Variants in MMS19 observed in about 807,000 individuals in gnomAD.
The protein encoded by MMS19 is MMS19 cytosolic iron-sulfur assembly component.
MMS19 carries 77 observed loss-of-function variants against 129.8 expected under a neutral mutation model. That is an observed-to-expected ratio of 0.59 (90% confidence interval 0.49 to 0.72). The LOEUF (loss-of-function observed/expected upper bound fraction) is 0.72. MMS19 is among the 30% of genes least tolerant of loss of function. The pLI is 0.00. For missense variants in MMS19, 1,168 were observed against 1,266.3 expected (o/e 0.92, Z 1.18); for synonymous variants, 491 against 502.8 (o/e 0.98, Z 0.31).
chr10:97,479,722 T>C (rs920182193), intron 3 of MMS19, among the ~76,000 whole-genome samples: 9 of 151,962 alleles, frequency 5.9e-5, no homozygotes, highest in African/African-American at 2.2e-4. Flanking sequence ...TTGTGAACTA[T>C]ATCAGTAGTG....
chr10:97,460,407 C>T, intron 25 of MMS19, 175 bp from the exon 26 acceptor site: 1 of 638,442 alleles, frequency 1.6e-6, no homozygotes, highest in East Asian at 2.7e-5. Flanking sequence ...CCAGTTCTTA[C>T]AAAAAATACA....
intron 1 of MMS19, among the ~76,000 whole-genome samples, chr10:97,497,534 T>C (rs1336940354): frequency 2.0e-5 from 3 of 152,030 alleles, no homozygotes; most frequent in African/African-American, 7.2e-5. Context: ...TTTTTTTTTT[T>C]CCTAGAAGAG....
At chr10:97,478,034 C>T in intron 4 of MMS19, 105 bp from the exon 5 acceptor site, 1 of 744,464 alleles carries the variant, frequency 1.3e-6, no homozygotes, top group Non-Finnish European at 2.2e-6. Flanking sequence ...ATCACAGCAT[C>T]CTGGTTGAGG....
chr10:97,483,067 A>G (rs969269054), intron 2 of MMS19, among the ~76,000 whole-genome samples: 2 of 150,714 alleles, frequency 1.3e-5, no homozygotes, highest in Non-Finnish European at 3.0e-5. Context: ...GCCTATATAT[A>G]TTTTTTGATG....
rs750927855 is a variant in MMS19 at position 97,462,719 on chromosome 10, C to G, written c.1913-37G>C. 3.3e-6 allele frequency: 5 copies of G among 1,502,780 alleles called. No individual in the cohort carries two copies. The Admixed American group carries it at 6.8e-5, about 20-fold the overall frequency. The allele number at this position is 1,502,780 out of a possible 1,614,324, so 93.1% of individuals were successfully genotyped here. On this transcript the variant is annotated intron_variant, in intron 19 of 30. Transcript: ENST00000438925. ...ACACACATGCACACAATCACAAGAC[C>G]ATGACGGGTTCAAGAAATGAATGAT...
At chr10:97,483,015 C>T (rs2135460125) in intron 2 of MMS19, among the ~76,000 whole-genome samples, 1 of 152,096 alleles carries the variant, frequency 6.6e-6, no homozygotes, top group Admixed American at 6.5e-5. Flanking sequence ...CCACCTCGGC[C>T]TCCCAAACTG....
intron 8 of MMS19, among the ~76,000 whole-genome samples, chr10:97,474,199 T>C (rs988892939): frequency 1.3e-5 from 2 of 149,574 alleles, no homozygotes; most frequent in East Asian, 2.0e-4. Context: ...CATATAAGCA[T>C]AGTGAAGAAA....
At chr10:97,488,817 A>G (rs967928591) in intron 1 of MMS19, among the ~76,000 whole-genome samples, 5 of 152,254 alleles carry the variant, frequency 3.3e-5, no homozygotes, top group African/African-American at 9.6e-5. Context: ...ATGCATGTAT[A>G]ACGTTATTCA....
chr10:97,498,629 C>A (rs1014602693), upstream of MMS19: 7 of 515,798 alleles, frequency 1.4e-5, no homozygotes, highest in Non-Finnish European at 2.0e-5. Flanking sequence ...TAATTCCCAG[C>A]CCGGCTCCCC....
At chr10:97,462,764 T>A in intron 19 of MMS19, 82 bp from the exon 20 acceptor site, 1 of 1,091,016 alleles carries the variant, frequency 9.2e-7, no homozygotes, top group Non-Finnish European at 1.4e-6. Context: ...TCAGCATCAC[T>A]GACTCTGGGG....
intron 2 of MMS19, among the ~76,000 whole-genome samples, chr10:97,482,853 C>T (rs866584287): frequency 4.6e-5 from 7 of 151,846 alleles, no homozygotes; most frequent in East Asian, 3.9e-4. Flanking sequence ...CTCCGCCTCG[C>T]GGGTTCACCC....
At position 97,460,702 on chromosome 10, in the gene MMS19, G is replaced by A. The variant is rs868177043; in HGVS notation, c.2462C>T (p.Thr821Ile). 4.4e-6 allele frequency: 7 copies of A among 1,594,664 alleles called. No individual in the cohort carries two copies. The highest frequency in any genetic ancestry group is 3.4e-5 in the South Asian group (3 of 87,504). The change falls in exon 25 of 31, where the codon ACA becomes ATA. Residue 821 changes from threonine (T) to isoleucine (I), a missense_variant. Thr to Ile is a moderately conservative substitution (Grantham distance 89). Coordinates refer to ENST00000438925, the MANE Select transcript of MMS19 (RefSeq NM_022362.5). Reference protein sequence around the residue: ...LRYHPLSSCLTARLMGLLSDP... With the variant: ...LRYHPLSSCLIARLMGLLSDP... ...TCTCCAGAAAGGACGTACCCGGGCT[G>A]TAAGGCAGGAGCTGAGAGGATGGTA...
At chr10:97,468,519 C>G in intron 12 of MMS19, 113 bp from the exon 13 acceptor site, 1 of 1,060,838 alleles carries the variant, frequency 9.4e-7, no homozygotes, top group East Asian at 2.9e-5. Context: ...GCAGTTAACA[C>G]TCAAATTGTT....
chr10:97,489,889 G>A (rs2038592257), intron 1 of MMS19, among the ~76,000 whole-genome samples: 1 of 152,200 alleles, frequency 6.6e-6, no homozygotes, highest in Non-Finnish European at 1.5e-5. Context: ...AGGGATATAA[G>A]ATAGTAACAT....
intron 1 of MMS19, among the ~76,000 whole-genome samples, chr10:97,496,167 C>G (rs1454668983): frequency 6.6e-6 from 1 of 152,150 alleles, no homozygotes; most frequent in Non-Finnish European, 1.5e-5. Flanking sequence ...AATTAAGCAA[C>G]AGTTTAGACC....
chr10:97,491,392 C>T lies in MMS19; in HGVS notation c.112+6881G>A, dbSNP rs144909240. 4.1e-3 allele frequency among the ~76,000 whole-genome samples: 621 copies of T among 152,314 alleles called. 2 individuals carry two copies. Among genetic ancestry groups the T allele is most frequent in the Middle Eastern group, 6.8e-3 (2 of 294 alleles). On this transcript the variant is annotated intron_variant, in intron 1 of 30. Transcript: ENST00000438925. ...TAAAAAAATTGAGGTAAAGGCCGGG[C>T]GTGGTGGCTCACGCCTATAATCCCA...
At position 97,498,309 on chromosome 10, in the gene MMS19, C is replaced by G; in HGVS notation, c.76G>C (p.Gly26Arg). 1 of 1,572,756 alleles carries G rather than the reference C, an allele frequency of 6.4e-7. No homozygotes were observed. The highest frequency in any genetic ancestry group is 8.6e-7 in the Non-Finnish European group (1 of 1,166,398). ...TGGTCAGCGGGGCCCTCTTGCTGAC[C>G]CACGACGAAGTCGTGCACGAGGCCC... Reference protein sequence around the residue: ...LWGLVHDFVVGQQEGPADQVA... With the variant: ...LWGLVHDFVVRQQEGPADQVA... The change falls in exon 1 of 31, where the codon GGT becomes CGT. Residue 26 changes from glycine (G) to arginine (R), a missense_variant. This residue lies in a region of MMS19 where 329 missense variants were observed against 328.6 expected (regional missense o/e 1.00). Coordinates refer to ENST00000438925, the MANE Select transcript of MMS19 (RefSeq NM_022362.5).
chr10:97,484,848 G>A (rs987192183), intron 1 of MMS19, among the ~76,000 whole-genome samples: 5 of 152,088 alleles, frequency 3.3e-5, no homozygotes, highest in African/African-American at 1.2e-4. Context: ...ACCCTGGAGT[G>A]CAGTGGTATA....
At chr10:97,460,849 T>C (rs1210987320) in intron 24 of MMS19, 58 bp downstream of exon 24, 1 of 1,532,750 alleles carries the variant, frequency 6.5e-7, no homozygotes, top group African/African-American at 1.4e-5. Flanking sequence ...CAGGGACATT[T>C]TATTTAACCA....
Sources: gnomAD v4.1 joint callset for allele counts (sites outside exome capture counted in the v4.1 genomes callset) on GRCh38, gnomAD v4.1.1 for gene constraint, gnomAD v4.1.1 regional missense constraint, MANE v1.5 for transcripts, NCBI Gene and HGNC (gene_info 2026-07-23, HGNC 2026-07-21) for gene names.